The following TPO variants were observed in gnomAD, a reference collection of about 807,000 sequenced individuals.
TPO encodes thyroid peroxidase.
TPO carries 78 observed loss-of-function variants against 96.9 expected under a neutral mutation model. The observed-to-expected ratio is 0.81, with a 90% confidence interval of 0.67 to 0.97. The LOEUF (loss-of-function observed/expected upper bound fraction) is 0.97, where lower values mean the gene tolerates loss of function less well. Among genes scored for constraint, TPO ranks in the 50% least tolerant of loss-of-function variants. TPO has a pLI of 0.00. For missense variants in TPO, 1,252 were observed against 1,274.8 expected, an observed-to-expected ratio of 0.98 and a Z score of 0.27; for synonymous variants, 547 against 538.0, an observed-to-expected ratio of 1.02 and a Z score of -0.23.
chr2:1,518,443 G>A (rs1674930443), intron 15 of TPO, among the ~76,000 whole-genome samples: 1 of 152,176 alleles, frequency 6.6e-6, no homozygotes, highest in Non-Finnish European at 1.5e-5. Flanking sequence ...GTGATCACTT[G>A]TAAGGGAAGA....
intron 16 of TPO, 190 bp downstream of exon 16, chr2:1,540,913 T>A: frequency 6.5e-7 from 1 of 1,541,284 alleles, no homozygotes; most frequent in South Asian, 1.2e-5. Context: ...TGAGCCTGCT[T>A]AGTGAGAGGA....
chr2:1,524,215 A>ACTGTGTGCAACCTCCTCAAATCC (rs1558404232), intron 15 of TPO, among the ~76,000 whole-genome samples: 11 of 37,636 alleles, frequency 2.9e-4, no homozygotes, highest in African/African-American at 1.3e-3. Flanking sequence ...CCTCAAATCC[A>ACTGTGTGCAACCTCCTCAAATCC]CCCCACTGTG....
chr2:1,436,738 C>A (rs931105808), intron 5 of TPO, among the ~76,000 whole-genome samples: 4 of 152,228 alleles, frequency 2.6e-5, no homozygotes, highest in Non-Finnish European at 5.9e-5. Context: ...TTCCAATGCA[C>A]CCCCAAGACT....
At chr2:1,405,371 A>G (rs955362466) in intron 1 of TPO, among the ~76,000 whole-genome samples, 3 of 150,498 alleles carry the variant, frequency 2.0e-5, no homozygotes, top group Non-Finnish European at 4.4e-5. Flanking sequence ...TCATCCACCC[A>G]TTCACCCATC....
chr2:1,512,279 T>A (rs1674227872), intron 14 of TPO: 22 of 460,692 alleles, frequency 4.8e-5, no homozygotes, highest in Non-Finnish European at 6.3e-5. Flanking sequence ...TAAGGACTCT[T>A]TTCTATAAAC....
upstream of TPO, among the ~76,000 whole-genome samples, chr2:1,411,714 C>T (rs1662360275): frequency 1.3e-5 from 2 of 152,178 alleles, no homozygotes. Context: ...CTCCTGGCCT[C>T]CTCCAGTTTC....
At chr2:1,453,926 G>A (rs1026994727) in intron 6 of TPO, 103 bp downstream of exon 6, 59 of 1,534,312 alleles carry the variant, frequency 3.8e-5, no homozygotes, top group South Asian at 5.8e-5. Context: ...TGGGTGCTGC[G>A]TGCAATCCCT....
At chr2:1,464,404 G>A (rs1158706614) in intron 7 of TPO, among the ~76,000 whole-genome samples, 1 of 152,154 alleles carries the variant, frequency 6.6e-6, no homozygotes, top group African/African-American at 2.4e-5. Context: ...TTTCCTCTGG[G>A]TAGATACCCA....
chr2:1,512,076 T>C (rs546533573), intron 14 of TPO, among the ~76,000 whole-genome samples: 51 of 152,092 alleles, frequency 3.4e-4, no homozygotes, highest in East Asian at 9.7e-4. Context: ...CTCTGTCGCC[T>C]AGACTGGAGT....
At chr2:1,423,438 A>G (rs1262666436) in intron 3 of TPO, among the ~76,000 whole-genome samples, 1 of 152,198 alleles carries the variant, frequency 6.6e-6, no homozygotes, top group Non-Finnish European at 1.5e-5. Flanking sequence ...GGATTAGGAC[A>G]GATTAAGGAG....
intron 8 of TPO, among the ~76,000 whole-genome samples, chr2:1,481,598 G>A (rs1399043480): frequency 1.3e-5 from 2 of 152,140 alleles, no homozygotes; most frequent in African/African-American, 4.8e-5. Flanking sequence ...ATGTCTCGGG[G>A]CAGGGGCTGC....
chr2:1,493,848 C>A lies in TPO; in HGVS notation c.1815C>A (p.Thr605=), dbSNP rs1328082276. 1 of 1,614,010 alleles carries A rather than the reference C, an allele frequency of 6.2e-7. No homozygotes were observed. Among genetic ancestry groups the A allele is most frequent in the Non-Finnish European group, 8.5e-7 (1 of 1,180,020 alleles). Residue 605 remains threonine (T), a synonymous_variant, in exon 11 of 17, where the codon ACC becomes ACA. Transcript: ENST00000329066. ...REFCGLPRLE[T]PADLSTAIAS... ...TCTGCGGCCTGCCTCGCCTGGAGAC[C>A]CCCGCTGACCTGAGCACAGCCATCG...
intron 14 of TPO, among the ~76,000 whole-genome samples, chr2:1,505,260 G>T (rs144027007): frequency 5.6e-5 from 8 of 143,646 alleles, no homozygotes; most frequent in Non-Finnish European, 1.1e-4. Flanking sequence ...TGTGTCAGGC[G>T]CACCCCCTCC....
Position 1,436,382 on chromosome 2 carries a change from C to T in TPO, c.480C>T (p.Asn160=), listed in dbSNP as rs747250855. 1 of 1,614,200 alleles carries T rather than the reference C, an allele frequency of 6.2e-7. No homozygotes were observed. The highest frequency in any genetic ancestry group is 1.1e-5 in the South Asian group (1 of 91,082). ...GGCCCATCACAGGAGCTTGCAACAA[C>T]AGGTATTGTTTGTGGATTTTCTTAA... ...KYRPITGACN[N]RDHPRWGASN... The change falls in exon 5 of 17, where the codon AAC becomes AAT. Residue 160 remains asparagine (N), a splice_region_variant and synonymous_variant. Transcript: ENST00000329066.
At chr2:1,496,515 C>A in intron 12 of TPO, 80 bp from the exon 13 acceptor site, 1 of 1,592,792 alleles carries the variant, frequency 6.3e-7, no homozygotes, top group Non-Finnish European at 8.6e-7. Flanking sequence ...AGGGCACAAG[C>A]GCACCCGTGA....
intron 1 of TPO, among the ~76,000 whole-genome samples, chr2:1,406,376 A>G (rs1295542980): frequency 1.3e-5 from 2 of 152,216 alleles, no homozygotes; most frequent in African/African-American, 4.8e-5. Flanking sequence ...CCTGTGTTAC[A>G]TTTTGTTATC....
intron 8 of TPO, among the ~76,000 whole-genome samples, chr2:1,484,022 T>A (rs1402485750): frequency 6.6e-6 from 1 of 152,210 alleles, no homozygotes; most frequent in Non-Finnish European, 1.5e-5. Context: ...TCCCCTTAAA[T>A]ACCAAAACAA....
At chr2:1,403,447 C>G (rs1226198225) in intron 1 of TPO, among the ~76,000 whole-genome samples, 1 of 152,238 alleles carries the variant, frequency 6.6e-6, no homozygotes, top group African/African-American at 2.4e-5. Context: ...TGTGAGGACA[C>G]AGTGGGGCCA....
chr2:1,505,616 T>C (rs1459110601), intron 14 of TPO, among the ~76,000 whole-genome samples: 1 of 151,272 alleles, frequency 6.6e-6, no homozygotes, highest in Non-Finnish European at 1.5e-5. Context: ...TTGTTTTTAT[T>C]TCTTCTAAAA....
Sources: gnomAD v4.1 joint callset for allele counts (sites outside exome capture counted in the v4.1 genomes callset) on GRCh38, gnomAD v4.1.1 for gene constraint, MANE v1.5 for transcripts, NCBI Gene and HGNC (gene_info 2026-07-23, HGNC 2026-07-21) for gene names.